XNDC1N: variants seen among roughly 807,000 people sequenced by gnomAD.
XNDC1N encodes the protein XRCC1 N-terminal domain containing 1, N-terminal like.
the XNDC1N span, among the ~76,000 whole-genome samples, chr11:71,871,416 C>A: frequency 1.3e-3 from 197 of 148,746 alleles, no homozygotes; most frequent in African/African-American, 3.7e-3. Context: ...CAGTACAAAG[C>A]CTCAACTGGA....
At chr11:71,907,461 G>C in the XNDC1N span, among the ~76,000 whole-genome samples, 3 of 48,974 alleles carry the variant, frequency 6.1e-5, no homozygotes, top group Non-Finnish European at 1.1e-4. Context: ...GTAAGAGCCA[G>C]CCCCTCTTGC....
At chr11:71,914,591 G>A in the XNDC1N span, among the ~76,000 whole-genome samples, 1 of 151,928 alleles carries the variant, frequency 6.6e-6, no homozygotes, top group Non-Finnish European at 1.5e-5. Context: ...GGAGGCTGAG[G>A]TGAGAGAATT....
the XNDC1N span, among the ~76,000 whole-genome samples, chr11:71,871,287 A>G: frequency 2.0e-5 from 3 of 152,214 alleles, no homozygotes; most frequent in Admixed American, 1.3e-4. Flanking sequence ...CAGAAAGACA[A>G]ATATTACATG....
chr11:71,889,054 G>A, the XNDC1N span, among the ~76,000 whole-genome samples: 2 of 152,140 alleles, frequency 1.3e-5, no homozygotes, highest in African/African-American at 2.4e-5. Flanking sequence ...GGTAACCCTG[G>A]ACACTGTTGT....
the XNDC1N span, among the ~76,000 whole-genome samples, chr11:71,886,083 C>T: frequency 6.6e-6 from 1 of 151,882 alleles, no homozygotes; most frequent in African/African-American, 2.4e-5. Context: ...CACAAATGCC[C>T]CTGAGAGAGC....
chr11:71,915,449 A>C, the XNDC1N span, among the ~76,000 whole-genome samples: 847 of 145,876 alleles, frequency 5.8e-3, 3 homozygotes, highest in African/African-American at 0.019. Context: ...CTCTGTCCCC[A>C]AAAAAAAAAA....
the XNDC1N span, among the ~76,000 whole-genome samples, chr11:71,883,065 T>C: frequency 2.0e-5 from 3 of 152,184 alleles, no homozygotes; most frequent in East Asian, 5.8e-4. Flanking sequence ...ACATTAAAAA[T>C]TGCAGACATT....
chr11:71,924,379 T>TA, the XNDC1N span, among the ~76,000 whole-genome samples: 16 of 144,624 alleles, frequency 1.1e-4, no homozygotes, highest in South Asian at 2.2e-4. Context: ...ACCCTAACTC[T>TA]AAAAAAAAAA....
chr11:71,927,501 A>G, the XNDC1N span: 2 of 152,014 alleles, frequency 1.3e-5, no homozygotes, highest in East Asian at 3.9e-4. Flanking sequence ...AGCCTTGGTA[A>G]CACAGCGAGA....
the XNDC1N span, among the ~76,000 whole-genome samples, chr11:71,909,594 G>A: frequency 6.6e-6 from 1 of 152,194 alleles, no homozygotes; most frequent in African/African-American, 2.4e-5. Flanking sequence ...TGATAGTCAG[G>A]GGTGGAGATA....
At chr11:71,869,021 A>G in the XNDC1N span, among the ~76,000 whole-genome samples, 1 of 152,032 alleles carries the variant, frequency 6.6e-6, no homozygotes, top group Non-Finnish European at 1.5e-5. Flanking sequence ...CAAGTCTTCT[A>G]TTTCTGAGAT....
the XNDC1N span, among the ~76,000 whole-genome samples, chr11:71,877,493 C>T: frequency 0.028 from 4,268 of 152,284 alleles, 71 homozygotes; most frequent in East Asian, 0.08. Context: ...CAAAACTTAG[C>T]CAGGCATGGA....
chr11:71,891,214 C>G, the XNDC1N span, among the ~76,000 whole-genome samples: 6 of 149,858 alleles, frequency 4.0e-5, no homozygotes, highest in African/African-American at 1.5e-4. Context: ...GGTGGTGTAC[C>G]CCCCCTGCGA....
At chr11:71,904,692 A>C in the XNDC1N span, among the ~76,000 whole-genome samples, 4 of 152,092 alleles carry the variant, frequency 2.6e-5, no homozygotes, top group Admixed American at 2.0e-4. Context: ...TAGGATATTA[A>C]GAATAATGAC....
At chr11:71,894,045 C>A in the XNDC1N span, 2 of 608,466 alleles carry the variant, frequency 3.3e-6, no homozygotes, top group Non-Finnish European at 5.5e-6. Flanking sequence ...GTTCTGACAG[C>A]GTCATCAATA....
the XNDC1N span, among the ~76,000 whole-genome samples, chr11:71,896,261 A>G: frequency 6.6e-6 from 1 of 152,246 alleles, no homozygotes; most frequent in Non-Finnish European, 1.5e-5. Context: ...CCTGGGCAAC[A>G]GAAAGAGACT....
the XNDC1N span, among the ~76,000 whole-genome samples, chr11:71,924,379 TA>T: frequency 4.7e-4 from 68 of 144,394 alleles, no homozygotes; most frequent in South Asian, 6.6e-4. Context: ...ACCCTAACTC[TA>T]AAAAAAAAAA....
chr11:71,911,186 G>A, the XNDC1N span, among the ~76,000 whole-genome samples: 1 of 152,240 alleles, frequency 6.6e-6, no homozygotes, highest in Non-Finnish European at 1.5e-5. Context: ...TGAACATAAA[G>A]GCCTCCCGTG....
chr11:71,873,828 GT>G, the XNDC1N span, among the ~76,000 whole-genome samples: 1 of 152,136 alleles, frequency 6.6e-6, no homozygotes, highest in African/African-American at 2.4e-5. Context: ...TTTAAAAAAC[GT>G]AATTAGATTT....
Sources: allele counts gnomAD v4.1 joint callset (sites outside exome capture counted in the v4.1 genomes callset), GRCh38; gene constraint gnomAD v4.1.1; transcripts MANE v1.5; gene names NCBI Gene and HGNC (gene_info 2026-07-23, HGNC 2026-07-21).